TRPM2: variants seen among roughly 807,000 people sequenced by gnomAD.
TRPM2 encodes transient receptor potential cation channel subfamily M member 2, also known as estrogen-responsive element-associated gene 1 protein.
In TRPM2, 161 loss-of-function variants were observed where a neutral mutation model predicts 174.0. The observed-to-expected ratio is 0.93, with a 90% CI of 0.81 to 1.05. The LOEUF is 1.05. TRPM2 is among the 50% of genes least tolerant of loss of function. TRPM2 has a pLI of 0.00. For synonymous variants in TRPM2, 954 were observed against 861.3 expected, an observed-to-expected ratio of 1.11 and a Z score of -1.88; for missense variants, 2,057 against 2,038.0, an observed-to-expected ratio of 1.01 and a Z score of -0.18.
At chr21:44,429,278 C>CTTTTTTTTTTTTTTTTTTTTTTTTT (rs35708355) in intron 27 of TRPM2, among the ~76,000 whole-genome samples, 3 of 44,196 alleles carry the variant, frequency 6.8e-5, no homozygotes, top group Non-Finnish European at 1.2e-4. Flanking sequence ...TTTTCTTTTT[C>CTTTTTTTTTTTTTTTTTTTTTTTTT]TTTTTTTTTT....
In TRPM2 at chr21:44,405,273, AC is replaced by A. The variant is rs1340481866; in HGVS notation, c.2657+17del. On this transcript the variant is annotated intron_variant, in intron 17 of 31. Coordinates refer to ENST00000397928, the MANE Select transcript of TRPM2 (RefSeq NM_003307.4). ...GGCTGACCTGCAGGTGAGTGGCCTC[AC>A]CCCGATGGCGGGCCCGTCTGAGGCA... 1 of 1,611,180 alleles carries A rather than the reference AC, an allele frequency of 6.2e-7. No homozygotes were observed. Among genetic ancestry groups the A allele is most frequent in the South Asian group, 1.1e-5 (1 of 91,066 alleles).
At chr21:44,414,335 C>G (rs2050206945) in intron 20 of TRPM2, among the ~76,000 whole-genome samples, 1 of 152,252 alleles carries the variant, frequency 6.6e-6, no homozygotes, top group African/African-American at 2.4e-5. Flanking sequence ...GCTGTGGATC[C>G]ACAAGGGCCC....
At chr21:44,379,273 A>C in intron 8 of TRPM2, 76 bp downstream of exon 8, 5 of 1,537,078 alleles carry the variant, frequency 3.3e-6, no homozygotes, top group Non-Finnish European at 4.4e-6. Flanking sequence ...GGGCAGGACC[A>C]GGACTCATGG....
chr21:44,350,911 G>GC (rs1233583041), upstream of TRPM2, among the ~76,000 whole-genome samples: 1 of 152,134 alleles, frequency 6.6e-6, no homozygotes, highest in Non-Finnish European at 1.5e-5. Flanking sequence ...AGCAGGCCCC[G>GC]CTTCTGGGGC....
At chr21:44,423,788 G>A (rs1277314276) in intron 23 of TRPM2, 56 bp downstream of exon 23, 12 of 1,442,588 alleles carry the variant, frequency 8.3e-6, no homozygotes, top group South Asian at 1.2e-5. Flanking sequence ...CCTGGTGGGC[G>A]GCTCTGCCAT....
chr21:44,425,454 GTGCCGGCGGGGACGC>G (rs2050726875), intron 24 of TRPM2: 2 of 486,330 alleles, frequency 4.1e-6, no homozygotes, highest in Admixed American at 7.5e-5. Context: ...AAAGAGGCAG[GTGCCGGCGGGGACGC>G]TGCCTGAGCT....
At position 44,359,019 on chromosome 21, in the gene TRPM2, G is replaced by A. The variant is rs555539414; in HGVS notation, c.254+4283G>A. On this transcript the variant is annotated intron_variant, in intron 2 of 31. Transcript: ENST00000397928. ...AGCTTTTATTCCCTTATTTGTCCCC[G>A]CCCGTGTCCTGCTGATTGGTCCATT... Among the ~76,000 whole-genome samples the A allele has an allele frequency of 1.0e-3, 157 of 151,788 alleles. 2 individuals carry two copies. Among genetic ancestry groups the A allele is most frequent in the Middle Eastern group, 6.8e-3 (2 of 292 alleles).
Position 44,376,093 on chromosome 21 carries a change from C to G in TRPM2, c.952+80C>G. ...GAGTGTCAGGTACAGCTGGTCACGA[C>G]CAGGACGTTCAACAGGCCTGGCGTT... is the stretch of plus-strand genomic sequence containing the variant. On this transcript the variant is annotated intron_variant, in intron 6 of 31. Coordinates refer to ENST00000397928, the MANE Select transcript of TRPM2 (RefSeq NM_003307.4). This position sits in a 1 kb window ranked among gnomAD's most constrained non-coding sequence, Gnocchi z 4.2. 6.6e-7 allele frequency: 1 copy of G among 1,513,968 alleles called. No individual in the cohort carries two copies. 93.8% of individuals were successfully genotyped at this position (1,513,968 alleles called of 1,614,324 possible).
chr21:44,425,458 C>G, intron 24 of TRPM2: 1 of 491,048 alleles, frequency 2.0e-6, no homozygotes, highest in Non-Finnish European at 3.5e-6. Flanking sequence ...AGGCAGGTGC[C>G]GGCGGGGACG....
intron 31 of TRPM2, among the ~76,000 whole-genome samples, chr21:44,441,187 C>G (rs1488860923): frequency 6.6e-6 from 1 of 152,116 alleles, no homozygotes; most frequent in Admixed American, 6.5e-5. Flanking sequence ...AAAGGGGGCA[C>G]CAGGGAGAGG....
At chr21:44,380,983 A>G (rs763164544) in intron 8 of TRPM2, among the ~76,000 whole-genome samples, 8 of 151,996 alleles carry the variant, frequency 5.3e-5, no homozygotes, top group Admixed American at 3.3e-4. Context: ...GCTTTACGGT[A>G]TGAGGATGGG....
At chr21:44,420,502 G>A (rs1282054579) in intron 22 of TRPM2, among the ~76,000 whole-genome samples, 8 of 152,194 alleles carry the variant, frequency 5.3e-5, no homozygotes, top group East Asian at 1.9e-4. Flanking sequence ...GGCTGGGGTC[G>A]CTGGTCTCCA....
At chr21:44,397,457 G>A (rs1055060632) in intron 12 of TRPM2, among the ~76,000 whole-genome samples, 1 of 152,188 alleles carries the variant, frequency 6.6e-6, no homozygotes, top group Non-Finnish European at 1.5e-5. Context: ...CAGCTCACAC[G>A]GGTTCCGATG....
At chr21:44,396,607 T>A (rs1337924774) in intron 12 of TRPM2, among the ~76,000 whole-genome samples, 2 of 20,252 alleles carry the variant, frequency 9.9e-5, no homozygotes, top group East Asian at 1.4e-3. Context: ...GTGTAGAGGG[T>A]TGTGGAGGCT....
intron 5 of TRPM2, among the ~76,000 whole-genome samples, chr21:44,375,320 C>T (rs1003740869): frequency 2.0e-5 from 3 of 152,262 alleles, no homozygotes; most frequent in Non-Finnish European, 4.4e-5. Flanking sequence ...TTGCCGGTTT[C>T]AATGCCACTT....
At position 44,432,252 on chromosome 21, in the gene TRPM2, G is replaced by C. The variant is rs2051050940; in HGVS notation, c.3975-2879G>C. Among the ~76,000 whole-genome samples, 1 of 152,202 alleles carries C rather than the reference G, an allele frequency of 6.6e-6. No individual in the cohort carries two copies. Among genetic ancestry groups the C allele is most frequent in the Non-Finnish European group, 1.5e-5 (1 of 68,036 alleles). On this transcript the variant is annotated intron_variant, in intron 27 of 31. Coordinates refer to ENST00000397928, the MANE Select transcript of TRPM2 (RefSeq NM_003307.4). This position sits in a 1 kb window ranked among gnomAD's most constrained non-coding sequence, Gnocchi z 4.9. The stretch of plus-strand genomic sequence containing the variant: ...ACCACACTCCCTCTGAGGGCTTGAG[G>C]GGAGACCTCTTCCTGCCTCTCCAGC...
At chr21:44,417,197 C>A (rs1455972571) in intron 20 of TRPM2, among the ~76,000 whole-genome samples, 1 of 116,824 alleles carries the variant, frequency 8.6e-6, no homozygotes, top group African/African-American at 3.4e-5. Flanking sequence ...GGCACGTGGG[C>A]GTGGCTCTGC....
chr21:44,441,159 T>G (rs2146435335), intron 31 of TRPM2, among the ~76,000 whole-genome samples: 1 of 151,882 alleles, frequency 6.6e-6, no homozygotes, highest in South Asian at 2.1e-4. Flanking sequence ...AGGGTCAGAG[T>G]CTTGCCCAGA....
In TRPM2 at chr21:44,391,158, T is replaced by G. The variant is rs1055611193; in HGVS notation, c.1441-114T>G. 46 of 1,546,332 alleles carry G rather than the reference T, an allele frequency of 3.0e-5. No homozygotes were observed. Among genetic ancestry groups the G allele is most frequent in the Non-Finnish European group, 3.9e-5 (44 of 1,137,816 alleles). ...TTGAGGGTGGGTGACCTGGGCAGCT[T>G]TCATCCTCCCCAGGTTGGGGACAAC... On this transcript the variant is annotated intron_variant, in intron 10 of 31. Coordinates refer to ENST00000397928, the MANE Select transcript of TRPM2 (RefSeq NM_003307.4). The surrounding 1 kb of genome is among the most constrained non-coding windows in gnomAD (Gnocchi z 5.0).
Sources: gnomAD v4.1 joint callset for allele counts (sites outside exome capture counted in the v4.1 genomes callset) on GRCh38, gnomAD v4.1.1 for gene constraint, Gnocchi (gnomAD v3.1) non-coding constraint, MANE v1.5 for transcripts, NCBI Gene and HGNC (gene_info 2026-07-23, HGNC 2026-07-21) for gene names.